YAP1: variants seen among roughly 807,000 people sequenced by gnomAD.
YAP1 encodes the protein Yes1 associated transcriptional regulator, also known as transcriptional coactivator YAP1.
Under a neutral mutation model 56.9 loss-of-function variants are expected in YAP1, and 5 were observed. That is an observed-to-expected ratio of 0.09 (90% confidence interval 0.05 to 0.18). The LOEUF (loss-of-function observed/expected upper bound fraction) is 0.18, where lower values mean the gene tolerates loss of function less well. YAP1 is among the 10% of genes least tolerant of loss of function. The pLI is 1.00. For missense variants in YAP1, 539 were observed against 651.8 expected, an observed-to-expected ratio of 0.83 and a Z score of 1.88; for synonymous variants, 265 against 248.1, an observed-to-expected ratio of 1.07 and a Z score of -0.64.
intron 3 of YAP1, among the ~76,000 whole-genome samples, chr11:102,184,889 T>C (rs1399756367): frequency 2.6e-5 from 4 of 152,226 alleles, no homozygotes; most frequent in Middle Eastern, 3.2e-3. Flanking sequence ...CTAACTAGCT[T>C]TGGGATCTTG....
chr11:102,230,088 T>C lies in YAP1; in HGVS notation c.*148T>C. ...AAGATACTTTAATCCTCTATTTTGC[T>C]CTTCCTTGTCCATTGCTGCTGTTAA... On this transcript the variant is annotated 3_prime_UTR_variant, in exon 9 of 9. Transcript: ENST00000282441. 2.9e-6 allele frequency: 2 copies of C among 690,646 alleles called. No individual in the cohort carries two copies. Among genetic ancestry groups the C allele is most frequent in the South Asian group, 3.7e-5 (2 of 53,602 alleles). 42.8% of individuals were successfully genotyped at this position (690,646 alleles called of 1,614,324 possible). A position where few individuals can be genotyped will look rare whatever the true frequency, so the allele number is the denominator to read the frequency against.
intron 6 of YAP1, 54 bp from the exon 7 acceptor site, chr11:102,223,568 A>G (rs535243757): frequency 3.5e-4 from 555 of 1,578,946 alleles, no homozygotes; most frequent in Non-Finnish European, 4.6e-4. Context: ...TTTAAACCTA[A>G]CATTAAATGT....
At chr11:102,209,173 T>A (rs1347258520) in intron 5 of YAP1, among the ~76,000 whole-genome samples, 1 of 152,242 alleles carries the variant, frequency 6.6e-6, no homozygotes, top group Non-Finnish European at 1.5e-5. Flanking sequence ...TGTGAACTTC[T>A]TCCCTTGACA....
intron 4 of YAP1, among the ~76,000 whole-genome samples, chr11:102,197,782 C>T (rs1481522140): frequency 6.6e-6 from 1 of 152,028 alleles, no homozygotes; most frequent in Non-Finnish European, 1.5e-5. Context: ...ATTGGGATTT[C>T]AATAGTTGAT....
At chr11:102,128,334 T>C (rs1944161758) in intron 2 of YAP1, among the ~76,000 whole-genome samples, 1 of 152,142 alleles carries the variant, frequency 6.6e-6, no homozygotes, top group Non-Finnish European at 1.5e-5. Flanking sequence ...TTTCCCGTGC[T>C]ATTCTCATGA....
intron 4 of YAP1, among the ~76,000 whole-genome samples, chr11:102,200,018 GC>G (rs1466554390): frequency 6.6e-6 from 1 of 152,122 alleles, no homozygotes; most frequent in African/African-American, 2.4e-5. Flanking sequence ...TGCCCTACCA[GC>G]TATTAAAACA....
chr11:102,208,761 A>G (rs1400073815), intron 5 of YAP1, among the ~76,000 whole-genome samples: 1 of 152,206 alleles, frequency 6.6e-6, no homozygotes, highest in Non-Finnish European at 1.5e-5. Flanking sequence ...AACTGTCAAA[A>G]TCAAGAAACT....
At chr11:102,156,394 G>T (rs977323562) in intron 2 of YAP1, among the ~76,000 whole-genome samples, 2 of 152,178 alleles carry the variant, frequency 1.3e-5, no homozygotes, top group African/African-American at 2.4e-5. Context: ...TAATAAGTCT[G>T]CCCTGCTAAT....
chr11:102,129,883 A>G (rs1484491755), intron 2 of YAP1, among the ~76,000 whole-genome samples: 4 of 148,830 alleles, frequency 2.7e-5, no homozygotes, highest in African/African-American at 7.5e-5. Flanking sequence ...GCTCACTGCA[A>G]CCTCCGCCTC....
At chr11:102,166,625 G>A (rs750491027) in intron 3 of YAP1, among the ~76,000 whole-genome samples, 1 of 152,326 alleles carries the variant, frequency 6.6e-6, no homozygotes, top group Middle Eastern at 3.4e-3. Flanking sequence ...GTTTCACCCT[G>A]AAGGGAGTGT....
chr11:102,219,888 C>T (rs1278163041), intron 6 of YAP1, among the ~76,000 whole-genome samples: 7 of 151,874 alleles, frequency 4.6e-5, no homozygotes, highest in Admixed American at 1.3e-4. Flanking sequence ...TACGCCACCA[C>T]GCCTGGCTAA....
At chr11:102,143,817 A>G (rs989827526) in intron 2 of YAP1, among the ~76,000 whole-genome samples, 2 of 152,212 alleles carry the variant, frequency 1.3e-5, no homozygotes, top group East Asian at 3.8e-4. Flanking sequence ...CAGTTTTTGT[A>G]TGATAACTGT....
chr11:102,200,346 G>GT (rs2135570018), intron 4 of YAP1, among the ~76,000 whole-genome samples: 1 of 151,466 alleles, frequency 6.6e-6, no homozygotes, highest in African/African-American at 2.4e-5. Flanking sequence ...GAGAACTATA[G>GT]TTTTTTAATT....
chr11:102,136,126 C>T (rs554816298), intron 2 of YAP1, among the ~76,000 whole-genome samples: 1 of 152,290 alleles, frequency 6.6e-6, no homozygotes, highest in Admixed American at 6.5e-5. Flanking sequence ...TGCTGGTCTT[C>T]TGTGTTTATA....
chr11:102,225,612 G>T (rs1950159321), intron 7 of YAP1, among the ~76,000 whole-genome samples: 2 of 152,210 alleles, frequency 1.3e-5, no homozygotes, highest in Admixed American at 6.5e-5. Context: ...ACTCTTAGTA[G>T]TAATGCTGAG....
chr11:102,124,183 C>G (rs1487359261), intron 2 of YAP1, among the ~76,000 whole-genome samples: 2 of 151,202 alleles, frequency 1.3e-5, no homozygotes. Flanking sequence ...GAACTCCTGA[C>G]CTCAAGTGAT....
At chr11:102,129,696 A>C (rs975179849) in intron 2 of YAP1, among the ~76,000 whole-genome samples, 4 of 151,502 alleles carry the variant, frequency 2.6e-5, no homozygotes, top group Non-Finnish European at 5.9e-5. Context: ...TTTTTATCTC[A>C]AGTTGAATTT....
chr11:102,128,057 A>G (rs1944142541), intron 2 of YAP1, among the ~76,000 whole-genome samples: 1 of 152,170 alleles, frequency 6.6e-6, no homozygotes, highest in Non-Finnish European at 1.5e-5. Flanking sequence ...ACAGGCCCAT[A>G]GGTGGAAGGG....
At chr11:102,164,975 G>A (rs117104460) in intron 3 of YAP1, among the ~76,000 whole-genome samples, 4,312 of 152,152 alleles carry the variant, frequency 0.028, 111 homozygotes, top group Middle Eastern at 0.048. Context: ...GCCTGTCTTC[G>A]GCCTCCCAAA....
Sources: gnomAD v4.1 joint callset for allele counts (sites outside exome capture counted in the v4.1 genomes callset) on GRCh38, gnomAD v4.1.1 for gene constraint, MANE v1.5 for transcripts, NCBI Gene and HGNC (gene_info 2026-07-23, HGNC 2026-07-21) for gene names.